Variants in CCHCR1 observed in about 807,000 individuals in gnomAD.
CCHCR1 encodes HCR (a-helix coiled-coil rod homologue).
In CCHCR1, 91 loss-of-function variants were observed where a neutral mutation model predicts 114.6. That is an observed-to-expected ratio of 0.79 (90% confidence interval 0.67 to 0.94). CCHCR1 has a LOEUF of 0.94. Among genes scored for constraint, CCHCR1 ranks in the 40% least tolerant of loss-of-function variants. The probability of loss-of-function intolerance (pLI) is 0.00; values close to 1 mark genes in which losing one functional copy is unlikely to be tolerated. For missense variants in CCHCR1, 899 were observed against 1,079.9 expected (o/e 0.83, Z 2.35); for synonymous variants, 379 against 428.5 (o/e 0.88, Z 1.43).
chr6:31,151,002 C>A lies in CCHCR1; in HGVS notation c.922G>T (p.Ala308Ser). ...AGCTCGGCCTCCCTCTGAGCCTCGGCCAGCTCCTTGGCTTCCCCTGCTCTT... is the reference window on the plus strand; with the variant it reads ...AGCTCGGCCTCCCTCTGAGCCTCGGACAGCTCCTTGGCTTCCCCTGCTCTT... Reference protein sequence around the residue: ...TRRAGEAKELAEAQREAELLR... With the variant: ...TRRAGEAKELSEAQREAELLR... The change falls in exon 5 of 18, where the codon GCC becomes TCC. Residue 308 changes from alanine to serine, a missense_variant. By Grantham distance (99) the Ala-to-Ser change is moderately conservative. Transcript: ENST00000396268. This position sits in a 1 kb window ranked among gnomAD's most constrained non-coding sequence, Gnocchi z 4.1. The A allele has an allele frequency of 6.2e-7, 1 of 1,613,038 alleles. No homozygotes were observed. The highest frequency in any genetic ancestry group is 2.2e-5 in the East Asian group (1 of 44,884).
Position 31,156,718 on chromosome 6 carries a change from G to C in CCHCR1, c.497+13C>G. The C allele has an allele frequency of 3.7e-6, 6 of 1,604,452 alleles. No homozygotes were observed. Among genetic ancestry groups the C allele is most frequent in the Non-Finnish European group, 5.1e-6 (6 of 1,176,752 alleles). ...CAAGCAAGCCTGAGAAAACGGCGTG[G>C]ATGGATCCCTACCTGCCTCTCCGCC... On this transcript the variant is annotated intron_variant, in intron 3 of 17. Coordinates refer to ENST00000396268, the MANE Select transcript of CCHCR1 (RefSeq NM_001105564.2).
chr6:31,158,154 G>A (rs377125316), upstream of CCHCR1: 537 of 116,022 alleles, frequency 4.6e-3, 5 homozygotes, highest in Middle Eastern at 0.037. Context: ...GACTCTTCCC[G>A]AACGTCCCTT....
chr6:31,145,536 T>C (rs756561589), intron 11 of CCHCR1, 43 bp from the exon 12 acceptor site: 11 of 1,591,120 alleles, frequency 6.9e-6, no homozygotes, highest in Non-Finnish European at 8.6e-6. Flanking sequence ...GAAGTTTGCA[T>C]GGGAGAAAGT....
chr6:31,150,134 C>T lies in CCHCR1; in HGVS notation c.1294G>A (p.Ala432Thr). Residue 432 changes from alanine to threonine, a missense_variant, in exon 8 of 18, where the codon GCC becomes ACC. Transcript: ENST00000396268. This position sits in a 1 kb window ranked among gnomAD's most constrained non-coding sequence, Gnocchi z 5.3. ...TGGGCCTTTAGCTGCACCATGAGGG[C>T]AAACACCTTCTCCCGCCAGCGGTTC... ...LLNRWREKVF[A>T]LMVQLKAQEL... is the part of the protein sequence containing the mutation. 1 of 1,614,192 alleles carries T rather than the reference C, an allele frequency of 6.2e-7. No individual in the cohort carries two copies. Among genetic ancestry groups the T allele is most frequent in the Non-Finnish European group, 8.5e-7 (1 of 1,180,022 alleles).
At position 31,151,011 on chromosome 6, in the gene CCHCR1, T is replaced by G. The variant is rs779146932; in HGVS notation, c.913A>C (p.Lys305Gln). The part of the protein sequence containing the change: ...SLETRRAGEA[K>Q]ELAEAQREAE... The stretch of plus-strand genomic sequence containing the variant: ...TCCCTCTGAGCCTCGGCCAGCTCCT[T>G]GGCTTCCCCTGCTCTTCTGGTTTCC... The change falls in exon 5 of 18, where the codon AAG becomes CAG. Residue 305 changes from lysine to glutamine, a missense_variant. Lys to Gln is a moderately conservative substitution (Grantham distance 53, BLOSUM62 1). Transcript: ENST00000396268. This position sits in a 1 kb window ranked among gnomAD's most constrained non-coding sequence, Gnocchi z 4.1. 2 of 1,613,072 alleles carry G rather than the reference T, an allele frequency of 1.2e-6. No homozygotes were observed. The highest frequency in any genetic ancestry group is 1.7e-6 in the Non-Finnish European group (2 of 1,180,018).
Position 31,151,548 on chromosome 6 carries a change from G to A in CCHCR1, c.802-426C>T, listed in dbSNP as rs539325769. On this transcript the variant is annotated intron_variant, in intron 4 of 17. Coordinates refer to ENST00000396268, the MANE Select transcript of CCHCR1 (RefSeq NM_001105564.2). This position sits in a 1 kb window ranked among gnomAD's most constrained non-coding sequence, Gnocchi z 4.1. ...TCCCACTGCTCCCCGCTCCGGCCAC[G>A]GGGAGTCTGCTGAGAACCAGACAGC... Among the ~76,000 whole-genome samples, 196 of 152,200 alleles carry A rather than the reference G, an allele frequency of 1.3e-3. 1 individual carries two copies. Among genetic ancestry groups the A allele is most frequent in the Admixed American group, 3.3e-4 (5 of 15,294 alleles).
At chr6:31,153,847 G>A (rs1423820459) in intron 4 of CCHCR1, among the ~76,000 whole-genome samples, 2 of 152,188 alleles carry the variant, frequency 1.3e-5, no homozygotes, top group African/African-American at 4.8e-5. Flanking sequence ...CAAAATGCTG[G>A]GATTACAGGC....
Position 31,150,380 on chromosome 6 carries a change from C to A in CCHCR1, c.1212+75G>T. 4 of 1,406,558 alleles carry A rather than the reference C, an allele frequency of 2.8e-6. No homozygotes were observed. The highest frequency in any genetic ancestry group is 1.2e-5 in the South Asian group (1 of 81,716). The allele number at this position is 1,406,558 out of a possible 1,614,324, so 87.1% of individuals were successfully genotyped here. ...TTCTGGGGCACATTGACCCCTCCTG[C>A]CCACAGGGAGGGAGGCAGGGGACAG... On this transcript the variant is annotated intron_variant, in intron 7 of 17. Transcript: ENST00000396268. This position sits in a 1 kb window ranked among gnomAD's most constrained non-coding sequence, Gnocchi z 5.3.
rs1018571991 is a variant in CCHCR1, at chr6:31,142,509, T to C, written c.*83A>G. ...GGTATCCCCCAGGGCAACCCCAGGA[T>C]GGGGAAGGGCTGGTCTGTCCCCACC... On this transcript the variant is annotated 3_prime_UTR_variant, in exon 18 of 18. Transcript: ENST00000396268. 19 of 1,379,224 alleles carry C rather than the reference T, an allele frequency of 1.4e-5. No individual in the cohort carries two copies. The highest frequency in any genetic ancestry group is 5.1e-4 in the Middle Eastern group (2 of 3,942). The allele number at this position is 1,379,224 out of a possible 1,614,324, so 85.4% of individuals were successfully genotyped here.
chr6:31,148,857 G>GGGGGGGGGGGGGGCCCCC, intron 8 of CCHCR1, 129 bp from the exon 9 acceptor site: 1 of 84,500 alleles, frequency 1.2e-5, no homozygotes, highest in Non-Finnish European at 2.4e-5. Flanking sequence ...GGGGGGGCGG[G>GGGGGGGGGGGGGGCCCCC]CGACGGGGGT....
intron 8 of CCHCR1, 129 bp from the exon 9 acceptor site, chr6:31,148,857 G>GGGGGGGGCCCCC: frequency 1.2e-5 from 1 of 84,500 alleles, no homozygotes; most frequent in East Asian, 3.6e-4. Context: ...GGGGGGGCGG[G>GGGGGGGGCCCCC]CGACGGGGGT....
rs765700586 is a variant in CCHCR1, at chr6:31,157,030, T to C, written c.276A>G (p.Pro92=). The C allele has an allele frequency of 6.2e-7, 1 of 1,612,338 alleles. No individual in the cohort carries two copies. Among genetic ancestry groups the C allele is most frequent in the Non-Finnish European group, 8.5e-7 (1 of 1,179,602 alleles). The change falls in exon 2 of 18, where the codon CCA becomes CCG. Residue 92 remains proline, a synonymous_variant. Transcript: ENST00000396268. ...TTGTCTGGTCCCACTGACCTGAAGG[T>C]GGAAACATCTCCACATTATTTGAAG... ...LEPSNNVEMF[P]PSGSTGLIPP...
At position 31,145,711 on chromosome 6, in the gene CCHCR1, C is replaced by T. The variant is rs1270471129; in HGVS notation, c.1678G>A (p.Val560Ile). 5 of 1,613,398 alleles carry T rather than the reference C, an allele frequency of 3.1e-6. No homozygotes were observed. Among genetic ancestry groups the T allele is most frequent in the Non-Finnish European group, 4.2e-6 (5 of 1,179,506 alleles). Residue 560 changes from valine (V) to isoleucine (I), a missense_variant, in exon 11 of 18, where the codon GTC (valine) becomes ATC (isoleucine). Val to Ile is a conservative substitution (Grantham distance 29). Coordinates refer to ENST00000396268, the MANE Select transcript of CCHCR1 (RefSeq NM_001105564.2). ...NNRLSYAVRK[V>I]HTIRGLIARK... Reference sequence around the variant, plus strand: ...TCCTACGCACCCCGAATGGTGTGGACCTTGCGGACAGCATAGCTGAGTCGG... The same window carrying T: ...TCCTACGCACCCCGAATGGTGTGGATCTTGCGGACAGCATAGCTGAGTCGG...
chr6:31,145,171 TC>T lies in CCHCR1; in HGVS notation c.1870del (p.Glu624SerfsTer10). 2 of 1,612,568 alleles carry T rather than the reference TC, an allele frequency of 1.2e-6. No individual in the cohort carries two copies. Among genetic ancestry groups the T allele is most frequent in the Non-Finnish European group, 1.7e-6 (2 of 1,179,982 alleles). On this transcript the variant is annotated frameshift_variant, in exon 13 of 18. Transcript: ENST00000396268. LOFTEE classifies it high-confidence loss of function. ...CCCCTGGCAACCAGGTGTACCTTGC[TC>T]CCGAGCCCGGCCCACCTCCTGCTGG... ...LIQQEVGRAR[E>X]QGEAERQQLS... is the part of the protein sequence containing the mutation.
intron 4 of CCHCR1, among the ~76,000 whole-genome samples, chr6:31,153,419 T>G (rs1775536527): frequency 1.3e-5 from 2 of 150,314 alleles, no homozygotes; most frequent in African/African-American, 4.9e-5. Context: ...TAAATATAGC[T>G]TTTTTTTTTC....
At position 31,150,944 on chromosome 6, in the gene CCHCR1, C is replaced by A. The variant is rs1056971808; in HGVS notation, c.965+15G>T. On this transcript the variant is annotated intron_variant, in intron 5 of 17. Coordinates refer to ENST00000396268, the MANE Select transcript of CCHCR1 (RefSeq NM_001105564.2). The surrounding 1 kb of genome is among the most constrained non-coding windows in gnomAD (Gnocchi z 5.3). ...TCACTAATTGCTGGGCTCCCGTCGG[C>A]GTCCGCCCACCTACCTCAGCTGCTT... The A allele has an allele frequency of 6.2e-7, 1 of 1,611,980 alleles. No homozygotes were observed. The highest frequency in any genetic ancestry group is 1.3e-5 in the African/African-American group (1 of 74,980).
In CCHCR1 at chr6:31,150,281, T is replaced by C; in HGVS notation, c.1213-66A>G. Reference sequence around the variant, plus strand: ...GGAGGAGAGGAAGGAGGTGGCATCTTTGTTTCTCCTCTGTCCTGCCTGGGC... The same window carrying C: ...GGAGGAGAGGAAGGAGGTGGCATCTCTGTTTCTCCTCTGTCCTGCCTGGGC... On this transcript the variant is annotated intron_variant, in intron 7 of 17. Transcript: ENST00000396268. The surrounding 1 kb of genome is among the most constrained non-coding windows in gnomAD (Gnocchi z 5.3). 1.9e-6 allele frequency: 3 copies of C among 1,548,388 alleles called. No homozygotes were observed. In the South Asian group the frequency reaches 3.4e-5, roughly 18 times the overall value.
At chr6:31,149,012 CGTG>C in intron 8 of CCHCR1, 1 of 384,140 alleles carries the variant, frequency 2.6e-6, no homozygotes, top group Non-Finnish European at 4.9e-6. Context: ...ATTAGCTGAG[CGTG>C]ATGGCATGTG....
chr6:31,149,113 C>CT (rs1416017060), intron 8 of CCHCR1: 1 of 128,776 alleles, frequency 7.8e-6, no homozygotes, highest in African/African-American at 3.2e-5. Context: ...GATCAGGCCA[C>CT]TGCACTCCAG....
Sources: allele counts gnomAD v4.1 joint callset (sites outside exome capture counted in the v4.1 genomes callset), GRCh38; gene constraint gnomAD v4.1.1; non-coding constraint Gnocchi (gnomAD v3.1); transcripts MANE v1.5; gene names NCBI Gene and HGNC (gene_info 2026-07-23, HGNC 2026-07-21).